MRE11: variants seen among roughly 807,000 people sequenced by gnomAD.
MRE11 encodes the protein MRE11 double strand break repair nuclease.
MRE11 carries 62 observed loss-of-function variants against 91.7 expected under a neutral mutation model. The observed-to-expected ratio is 0.68, with a 90% confidence interval of 0.55 to 0.84. The LOEUF (loss-of-function observed/expected upper bound fraction) is 0.84, where lower values mean the gene tolerates loss of function less well. Ranked by LOEUF, MRE11 falls within the 40% of genes least tolerant of loss-of-function variation. The pLI is 0.00. For missense variants in MRE11, 796 were observed against 852.9 expected, an observed-to-expected ratio of 0.93 and a Z score of 0.83; for synonymous variants, 273 against 271.4, an observed-to-expected ratio of 1.01 and a Z score of -0.06.
intron 13 of MRE11, among the ~76,000 whole-genome samples, chr11:94,458,575 C>T (rs776683850): frequency 1.3e-5 from 2 of 152,122 alleles, no homozygotes; most frequent in Non-Finnish European, 2.9e-5. Flanking sequence ...CTCTACCTCA[C>T]TATTTTCATA....
intron 14 of MRE11, among the ~76,000 whole-genome samples, chr11:94,448,539 G>A (rs543767493): frequency 6.6e-5 from 10 of 152,152 alleles, no homozygotes; most frequent in African/African-American, 2.4e-4. Flanking sequence ...GCAGTGGGGA[G>A]GGGAGTTGTT....
At chr11:94,437,803 C>T (rs1266544315) in intron 16 of MRE11, among the ~76,000 whole-genome samples, 1 of 152,112 alleles carries the variant, frequency 6.6e-6, no homozygotes, top group Non-Finnish European at 1.5e-5. Context: ...AGCTCTTTAT[C>T]TTTCCCTTTC....
intron 11 of MRE11, among the ~76,000 whole-genome samples, chr11:94,461,916 A>G (rs975431336): frequency 6.6e-6 from 1 of 152,194 alleles, no homozygotes; most frequent in Non-Finnish European, 1.5e-5. Context: ...TCTACTAAAA[A>G]TACAAAAATT....
chr11:94,497,470 T>C (rs1472315488), upstream of MRE11: 1 of 165,334 alleles, frequency 6.0e-6, no homozygotes, highest in Non-Finnish European at 1.3e-5. Flanking sequence ...AACTAATAAC[T>C]AAAAGGGTCT....
At chr11:94,433,987 T>G (rs1467365331) in intron 18 of MRE11, among the ~76,000 whole-genome samples, 1 of 152,160 alleles carries the variant, frequency 6.6e-6, no homozygotes, top group Admixed American at 6.5e-5. Flanking sequence ...TCATTTCCTT[T>G]AATGCATGCT....
rs112432528 is a variant in MRE11 at position 94,482,658 on chromosome 11, G to A, written c.315-2897C>T. 8.8e-3 allele frequency among the ~76,000 whole-genome samples: 1,348 copies of A among 152,330 alleles called. 21 individuals are homozygous for A. Among genetic ancestry groups the A allele is most frequent in the African/African-American group, 0.031 (1,293 of 41,566 alleles). On this transcript the variant is annotated intron_variant, in intron 4 of 19. Transcript: ENST00000323929. ...TGAAGTTAAAAAATGTCCCGGCTGG[G>A]TGTGGTGGCTCACGCCTATAATCTC...
rs115244417 is a variant in MRE11 at position 94,470,486 on chromosome 11, G to A, written c.1002C>T (p.Ser334=). 1.2e-6 allele frequency: 2 copies of A among 1,612,816 alleles called. No homozygotes were observed. The highest frequency in any genetic ancestry group is 1.3e-5 in the African/African-American group (1 of 74,952). ...AAAGAATTACCTTCTCCAAACAGAA[G>A]CTTTGTATGGCTTGGGTTACTTTAG... ...DNPKVTQAIQ[S]FCLEKIEEML... The change falls in exon 9 of 20, where the codon AGC becomes AGT. Residue 334 remains serine (S), a synonymous_variant. Coordinates refer to ENST00000323929, the MANE Select transcript of MRE11 (RefSeq NM_005591.4).
chr11:94,450,563 G>T (rs1027787414), intron 14 of MRE11, among the ~76,000 whole-genome samples: 1 of 151,996 alleles, frequency 6.6e-6, no homozygotes, highest in African/African-American at 2.4e-5. Context: ...TAATCATCAT[G>T]CAATAAAATA....
At chr11:94,426,504 T>C (rs1417290050) in intron 19 of MRE11, among the ~76,000 whole-genome samples, 2 of 149,476 alleles carry the variant, frequency 1.3e-5, no homozygotes, top group Non-Finnish European at 3.0e-5. Flanking sequence ...CTGGAGGAAC[T>C]AGAAATAAAA....
upstream of MRE11, chr11:94,498,225 C>T: frequency 1.2e-6 from 2 of 1,614,148 alleles, no homozygotes; most frequent in Non-Finnish European, 1.7e-6. Context: ...CATGCAGTGA[C>T]TGTGGATGGC....
intron 14 of MRE11, among the ~76,000 whole-genome samples, chr11:94,452,916 TC>T (rs1292343141): frequency 1.3e-5 from 2 of 152,074 alleles, no homozygotes; most frequent in African/African-American, 4.8e-5. Flanking sequence ...TATGCAATCA[TC>T]CCCCCATCCA....
At position 94,476,164 on chromosome 11, in the gene MRE11, G is replaced by A; in HGVS notation, c.659+125C>T. Reference sequence around the variant, plus strand: ...ATGAAATCACACAAAGCAAATCTATGTTTTGTCTGATCTTGCATTGACAAC... The same window carrying A: ...ATGAAATCACACAAAGCAAATCTATATTTTGTCTGATCTTGCATTGACAAC... On this transcript the variant is annotated intron_variant, in intron 7 of 19. Coordinates refer to ENST00000323929, the MANE Select transcript of MRE11 (RefSeq NM_005591.4). 6.0e-6 allele frequency: 4 copies of A among 670,344 alleles called. No homozygotes were observed. The South Asian group carries it at 6.7e-5, about 11-fold the overall frequency. The allele number at this position is 670,344 out of a possible 1,614,324, so 41.5% of individuals were successfully genotyped here.
intron 4 of MRE11, among the ~76,000 whole-genome samples, chr11:94,485,197 T>G (rs1478376867): frequency 9.2e-5 from 14 of 151,648 alleles, no homozygotes; most frequent in Admixed American, 9.2e-4. Context: ...GAGGTTGCAG[T>G]GAGCCAAGCT....
At chr11:94,442,291 G>A (rs894611700) in intron 16 of MRE11, among the ~76,000 whole-genome samples, 16 of 152,042 alleles carry the variant, frequency 1.1e-4, no homozygotes, top group African/African-American at 3.9e-4. Context: ...AAAACAGCAA[G>A]CTGAGAGAAA....
intron 10 of MRE11, among the ~76,000 whole-genome samples, chr11:94,465,631 G>T (rs1003669629): frequency 2.0e-5 from 3 of 151,992 alleles, no homozygotes; most frequent in Middle Eastern, 3.2e-3. Flanking sequence ...CCTGACGTCA[G>T]ATGATTCAGC....
chr11:94,459,619 T>C, intron 12 of MRE11, 38 bp from the exon 13 acceptor site: 1 of 1,595,318 alleles, frequency 6.3e-7, no homozygotes, highest in Non-Finnish European at 8.6e-7. Flanking sequence ...AAATAGTTTT[T>C]ATTCCTTACA....
At chr11:94,512,401 G>T in the MRE11 span, 2 of 1,068,200 alleles carry the variant, frequency 1.9e-6, no homozygotes, top group Middle Eastern at 3.4e-4. Context: ...CTAGGGCCTC[G>T]GAAGGCCGGC....
chr11:94,497,141 T>C, upstream of MRE11: 1 of 684,686 alleles, frequency 1.5e-6, no homozygotes, highest in Non-Finnish European at 2.5e-6. Flanking sequence ...GGTTTAAGGA[T>C]AATTATCTAT....
intron 19 of MRE11, among the ~76,000 whole-genome samples, chr11:94,424,938 T>A (rs1295078991): frequency 2.0e-5 from 3 of 152,092 alleles, no homozygotes; most frequent in Non-Finnish European, 4.4e-5. Flanking sequence ...GAGGATACAG[T>A]CCAGAAAAAT....
Sources: allele counts gnomAD v4.1 joint callset (sites outside exome capture counted in the v4.1 genomes callset), GRCh38; gene constraint gnomAD v4.1.1; transcripts MANE v1.5; gene names NCBI Gene and HGNC (gene_info 2026-07-23, HGNC 2026-07-21).